The following CRIPTO variants were observed in gnomAD, a reference collection of about 807,000 sequenced individuals.
CRIPTO encodes protein Cripto.
the CRIPTO span, among the ~76,000 whole-genome samples, chr3:46,575,320 A>G: frequency 6.6e-6 from 1 of 152,192 alleles, no homozygotes; most frequent in Non-Finnish European, 1.5e-5. Context: ...TAGACATCAA[A>G]TACCTGTTAA....
the CRIPTO span, among the ~76,000 whole-genome samples, chr3:46,575,926 C>G: frequency 6.6e-6 from 1 of 152,216 alleles, no homozygotes; most frequent in Non-Finnish European, 1.5e-5. Flanking sequence ...CCAGGGCTAG[C>G]CTTCTCCTTT....
At chr3:46,579,238 G>A in the CRIPTO span, 1 of 1,613,968 alleles carries the variant, frequency 6.2e-7, no homozygotes. Flanking sequence ...TAAGGGCTGG[G>A]CCATCAGGAA....
At chr3:46,578,485 C>T in the CRIPTO span, among the ~76,000 whole-genome samples, 3 of 151,958 alleles carry the variant, frequency 2.0e-5, no homozygotes, top group African/African-American at 4.8e-5. Context: ...GAGGCAGAGG[C>T]GGGTGGATCA....
At chr3:46,581,044 A>T in the CRIPTO span, 1 of 952,842 alleles carries the variant, frequency 1.0e-6, no homozygotes, top group Non-Finnish European at 1.7e-6. Context: ...GCAGGTTCAC[A>T]GTAGCGTATA....
At chr3:46,580,657 G>A in the CRIPTO span, among the ~76,000 whole-genome samples, 10 of 152,130 alleles carry the variant, frequency 6.6e-5, no homozygotes, top group South Asian at 2.1e-4. Context: ...GAAAAGAGGC[G>A]ACAGTCCTCT....
chr3:46,578,954 A>G, the CRIPTO span: 3 of 937,010 alleles, frequency 3.2e-6, no homozygotes, highest in South Asian at 4.3e-5. Flanking sequence ...TGAATTAGCC[A>G]TTAAAAAAAG....
chr3:46,575,412 C>T, the CRIPTO span, among the ~76,000 whole-genome samples: 3 of 152,144 alleles, frequency 2.0e-5, no homozygotes, highest in Non-Finnish European at 4.4e-5. Flanking sequence ...TTCTCCCCAC[C>T]CCCCATCCCA....
chr3:46,578,996 A>T, the CRIPTO span: 1 of 1,299,910 alleles, frequency 7.7e-7, no homozygotes, highest in Non-Finnish European at 1.1e-6. Context: ...CTTTTCAGTG[A>T]TCTGTGGTCT....
chr3:46,578,030 T>A, the CRIPTO span: 1 of 1,610,832 alleles, frequency 6.2e-7, no homozygotes, highest in Non-Finnish European at 8.5e-7. Flanking sequence ...GAATGTGAAC[T>A]TTTTTTGATT....
the CRIPTO span, chr3:46,579,830 C>A: frequency 6.2e-7 from 1 of 1,613,922 alleles, no homozygotes; most frequent in Admixed American, 1.7e-5. Context: ...ACGGACGGAA[C>A]TGTGAGCACG....
the CRIPTO span, among the ~76,000 whole-genome samples, chr3:46,580,619 A>G: frequency 6.6e-6 from 1 of 152,296 alleles, no homozygotes; most frequent in Admixed American, 6.5e-5. Context: ...TGAGGAATAC[A>G]ATGAAAAGAA....
chr3:46,574,769 C>T, the CRIPTO span, among the ~76,000 whole-genome samples: 1 of 152,188 alleles, frequency 6.6e-6, no homozygotes, highest in Admixed American at 6.5e-5. Flanking sequence ...AGTTTATTTT[C>T]TTCCTTGAAT....
the CRIPTO span, chr3:46,581,158 G>T: frequency 6.2e-7 from 1 of 1,614,058 alleles, no homozygotes; most frequent in Non-Finnish European, 8.5e-7. Context: ...TGAGCACCTC[G>T]TGGCTTCCAG....
chr3:46,577,617 A>G, the CRIPTO span: 1 of 365,028 alleles, frequency 2.7e-6, no homozygotes, highest in Non-Finnish European at 5.0e-6. Context: ...AGTTAACCAC[A>G]GTTTTACAAG....
the CRIPTO span, chr3:46,579,241 A>G: frequency 6.2e-7 from 1 of 1,614,178 alleles, no homozygotes; most frequent in Non-Finnish European, 8.5e-7. Context: ...GGGCTGGGCC[A>G]TCAGGAATTT....
At chr3:46,580,919 C>T in the CRIPTO span, among the ~76,000 whole-genome samples, 4 of 152,086 alleles carry the variant, frequency 2.6e-5, no homozygotes, top group East Asian at 5.8e-4. Context: ...GTGTAGGGAA[C>T]ATGTTCTCTT....
At chr3:46,579,919 C>T in the CRIPTO span, 1 of 1,614,156 alleles carries the variant, frequency 6.2e-7, no homozygotes, top group Non-Finnish European at 8.5e-7. Context: ...AATTTCAGAC[C>T]CAAGGCTATC....
At chr3:46,582,029 C>T in the CRIPTO span, 18,673 of 152,136 alleles carry the variant, frequency 0.12, 1,715 homozygotes, top group East Asian at 0.33. Context: ...GGAAGTCCAT[C>T]TGCGTGTGTG....
chr3:46,578,941 A>G, the CRIPTO span, among the ~76,000 whole-genome samples: 1 of 152,092 alleles, frequency 6.6e-6, no homozygotes, highest in African/African-American at 2.4e-5. Flanking sequence ...TTTCTTTGTT[A>G]CATGAATTAG....
Sources: allele counts gnomAD v4.1 joint callset (sites outside exome capture counted in the v4.1 genomes callset), GRCh38; gene constraint gnomAD v4.1.1; transcripts MANE v1.5; gene names NCBI Gene and HGNC (gene_info 2026-07-23, HGNC 2026-07-21).